Variants in THUMPD1 observed in about 807,000 individuals in gnomAD.
THUMPD1 encodes the protein THUMP domain 1 NAT10 acetyltransferase adaptor.
Under a neutral mutation model 31.6 loss-of-function variants are expected in THUMPD1, and 31 were observed. The observed-to-expected ratio is 0.98, with a 90% CI of 0.74 to 1.32. The LOEUF is 1.32. THUMPD1 is among the 40% of genes most tolerant of loss of function. THUMPD1 has a pLI of 0.00. For synonymous variants in THUMPD1, 166 were observed against 158.2 expected (o/e 1.05, Z -0.37); for missense variants, 446 against 427.8 (o/e 1.04, Z -0.38).
In THUMPD1 at chr16:20,735,473, T is replaced by C. The variant is rs1019314875; in HGVS notation, c.*1407A>G. On this transcript the variant is annotated 3_prime_UTR_variant, in exon 4 of 4. Transcript: ENST00000396083. The stretch of plus-strand genomic sequence containing the variant: ...AGAACTTCACTGTATCTTCAAGTTT[T>C]TGATATCAGCATCTCTGTGGAGAAA... The C allele has an allele frequency of 6.6e-6, 1 of 152,070 alleles. No individual in the cohort carries two copies. The highest frequency in any genetic ancestry group is 6.5e-5 in the Admixed American group (1 of 15,276). The allele number at this position is 152,070 out of a possible 1,614,324, so 9.4% of individuals were successfully genotyped here.
In THUMPD1 at chr16:20,736,839, A is replaced by AG; in HGVS notation, c.*40dup. 6.3e-7 allele frequency: 1 copy of AG among 1,587,294 alleles called. No individual in the cohort carries two copies. Among genetic ancestry groups the AG allele is most frequent in the East Asian group, 2.2e-5 (1 of 44,624 alleles). The stretch of plus-strand genomic sequence containing the variant: ...GTGGAGCCCCAGCAACATCTCGTAG[A>AG]GCCCCAGGTGAGAAACCCACCTCCA... On this transcript the variant is annotated 3_prime_UTR_variant, in exon 4 of 4. Transcript: ENST00000396083.
chr16:20,741,618 G>A lies in THUMPD1; in HGVS notation c.122C>T (p.Pro41Leu). The A allele has an allele frequency of 1.9e-6, 3 of 1,574,054 alleles. No individual in the cohort carries two copies. The highest frequency in any genetic ancestry group is 1.7e-6 in the Non-Finnish European group (2 of 1,159,626). ...CDAGGPRQLE[P>L]GLQGILITCN... ...GGTGATGAGGATGCCCTGTAGCCCG[G>A]GCTCTAGCTGACGGGGCCCGCCAGC... The change falls in exon 1 of 4, where the codon CCC becomes CTC. Residue 41 changes from proline (P) to leucine (L), a missense_variant. Coordinates refer to ENST00000396083, the MANE Select transcript of THUMPD1 (RefSeq NM_017736.5).
intron 2 of THUMPD1, chr16:20,738,316 A>AG: frequency 9.7e-6 from 4 of 413,888 alleles, no homozygotes; most frequent in African/African-American, 4.2e-5. Context: ...TTTACAAAAA[A>AG]AAAAAAAAAA....
At position 20,737,178 on chromosome 16, in the gene THUMPD1, T is replaced by A; in HGVS notation, c.764A>T (p.Asp255Val). 1 of 1,614,212 alleles carries A rather than the reference T, an allele frequency of 6.2e-7. No individual in the cohort carries two copies. Among genetic ancestry groups the A allele is most frequent in the Non-Finnish European group, 8.5e-7 (1 of 1,180,036 alleles). The change falls in exon 4 of 4, where the codon GAT (aspartate) becomes GTT (valine). Residue 255 changes from aspartate (D) to valine (V), a missense_variant. Physicochemically the swap from Asp to Val is radical, Grantham distance 152 (BLOSUM62 -3). Transcript: ENST00000396083. ...ATTGTATTTTCTAAACAACATGTAA[T>A]CTTTCACAACACTCAGGCAACAGAC... ...KAVCCLSVVK[D>V]YMLFRKYNLQ...
chr16:20,741,481 G>GGGGGGGGGGCGCCCCC, intron 1 of THUMPD1, 28 bp downstream of exon 1: 1 of 1,308,412 alleles, frequency 7.6e-7, no homozygotes, highest in Non-Finnish European at 9.9e-7. Context: ...CTGGCAGCCG[G>GGGGGGGGGGCGCCCCC]CCCGCCCGCC....
rs1320676394 is a variant in THUMPD1, at chr16:20,737,971, A to G, written c.407-15T>C. ...TTTCTCAGGCTCTTAAGAAAAAAAA[A>G]AAGTTAAGAAGATAATTTCTCAGAC... On this transcript the variant is annotated splice_polypyrimidine_tract_variant and intron_variant, in intron 2 of 3. Coordinates refer to ENST00000396083, the MANE Select transcript of THUMPD1 (RefSeq NM_017736.5). 9 of 1,568,098 alleles carry G rather than the reference A, an allele frequency of 5.7e-6. No individual in the cohort carries two copies. The highest frequency in any genetic ancestry group is 4.8e-5 in the South Asian group (4 of 83,106).
At chr16:20,739,232 G>C (rs1240940820) in intron 1 of THUMPD1, among the ~76,000 whole-genome samples, 161 bp from the exon 2 acceptor site, 7 of 151,394 alleles carry the variant, frequency 4.6e-5, no homozygotes, top group Non-Finnish European at 8.8e-5. Context: ...CTGGAGTGCA[G>C]TGGTGCGATC....
In THUMPD1 at chr16:20,736,566, A is replaced by G; in HGVS notation, c.*314T>C. Reference sequence around the variant, plus strand: ...AATGAAAACTTCCCTCTGATTTTCTACTTCACAGGTAGTTCACTCCCTTAA... The same window carrying G: ...AATGAAAACTTCCCTCTGATTTTCTGCTTCACAGGTAGTTCACTCCCTTAA... On this transcript the variant is annotated 3_prime_UTR_variant, in exon 4 of 4. Transcript: ENST00000396083. The G allele has an allele frequency of 3.9e-6, 1 of 257,924 alleles. No homozygotes were observed. 16.0% of individuals were successfully genotyped at this position (257,924 alleles called of 1,614,324 possible).
intron 2 of THUMPD1, among the ~76,000 whole-genome samples, chr16:20,738,495 C>T (rs970766558): frequency 7.2e-5 from 11 of 151,980 alleles, no homozygotes; most frequent in African/African-American, 4.8e-5. Context: ...GGGGCTGCTC[C>T]GAAAATTTGT....
rs2079866890 is a variant in THUMPD1 at position 20,736,122 on chromosome 16, A to C, written c.*758T>G. The C allele has an allele frequency of 6.6e-6, 1 of 152,214 alleles. No homozygotes were observed. The highest frequency in any genetic ancestry group is 2.4e-5 in the African/African-American group (1 of 41,450). The allele number at this position is 152,214 out of a possible 1,614,324, so 9.4% of individuals were successfully genotyped here. On this transcript the variant is annotated 3_prime_UTR_variant, in exon 4 of 4. Transcript: ENST00000396083. ...GTTTTGTAAGTTGCATGTCACAGACAATGCACAATGGGACAGGAGAGCTTG... is the reference window on the plus strand; with the variant it reads ...GTTTTGTAAGTTGCATGTCACAGACCATGCACAATGGGACAGGAGAGCTTG...
At position 20,741,735 on chromosome 16, in the gene THUMPD1, G is replaced by A. The variant is rs1241633790; in HGVS notation, c.5C>T (p.Ala2Val). M[A>V]APAQQTTQPG... The stretch of plus-strand genomic sequence containing the variant: ...CTGAGTAGTCTGCTGGGCAGGGGCC[G>A]CCATGGTGTGCGCAAACTGAGAGGA... The change falls in exon 1 of 4, where the codon GCG becomes GTG. Residue 2 changes from alanine to valine, a missense_variant. Coordinates refer to ENST00000396083, the MANE Select transcript of THUMPD1 (RefSeq NM_017736.5). 1.3e-6 allele frequency: 2 copies of A among 1,567,852 alleles called. No homozygotes were observed. Among genetic ancestry groups the A allele is most frequent in the Non-Finnish European group, 1.7e-6 (2 of 1,156,064 alleles).
At chr16:20,738,499 A>T (rs1478162377) in intron 2 of THUMPD1, among the ~76,000 whole-genome samples, 1 of 152,110 alleles carries the variant, frequency 6.6e-6, no homozygotes, top group African/African-American at 2.4e-5. Context: ...CTGCTCCGAA[A>T]ATTTGTAAAT....
rs1221600271 is a variant in THUMPD1 at position 20,734,987 on chromosome 16, G to C, written c.*1893C>G. On this transcript the variant is annotated 3_prime_UTR_variant, in exon 4 of 4. Coordinates refer to ENST00000396083, the MANE Select transcript of THUMPD1 (RefSeq NM_017736.5). ...TGGGTCTTGTGGTTCCTCCAGCCGG[G>C]TTAGAACAAGATTTGAGAGTTGCAC... 6.6e-6 allele frequency: 1 copy of C among 152,200 alleles called. No individual in the cohort carries two copies. Among genetic ancestry groups the C allele is most frequent in the East Asian group, 1.9e-4 (1 of 5,190 alleles). 9.4% of individuals were successfully genotyped at this position (152,200 alleles called of 1,614,324 possible).
In THUMPD1 at chr16:20,737,235, T is replaced by C. The variant is rs372725221; in HGVS notation, c.707A>G (p.Gln236Arg). The change falls in exon 4 of 4, where the codon CAG becomes CGG. Residue 236 changes from glutamine to arginine, a missense_variant. Gln to Arg is a conservative substitution (Grantham distance 43). Coordinates refer to ENST00000396083, the MANE Select transcript of THUMPD1 (RefSeq NM_017736.5). ...GATGATTTCTACTACCACTGTGTAC[T>C]GTGGATTGGTGAGATCCACTTTATT... ...SENKVDLTNP[Q>R]YTVVVEIIKA... 1 of 1,614,112 alleles carries C rather than the reference T, an allele frequency of 6.2e-7. No homozygotes were observed. The highest frequency in any genetic ancestry group is 8.5e-7 in the Non-Finnish European group (1 of 1,179,962).
At position 20,741,592 on chromosome 16, in the gene THUMPD1, A is replaced by T; in HGVS notation, c.148T>A (p.Cys50Ser). The stretch of plus-strand genomic sequence containing the variant: ...ACGCACTTGCGCTCGTTCATATTGC[A>T]GGTGATGAGGATGCCCTGTAGCCCG... ...EPGLQGILIT[C>S]NMNERKCVEE... Residue 50 changes from cysteine (C) to serine (S), a missense_variant, in exon 1 of 4, where the codon TGC becomes AGC. Cys to Ser is a moderately radical substitution (Grantham distance 112). Transcript: ENST00000396083. The T allele has an allele frequency of 1.3e-6, 2 of 1,573,182 alleles. No individual in the cohort carries two copies. The highest frequency in any genetic ancestry group is 1.7e-6 in the Non-Finnish European group (2 of 1,160,556).
At chr16:20,738,193 C>T (rs1179724822) in intron 2 of THUMPD1, 2 of 552,018 alleles carry the variant, frequency 3.6e-6, no homozygotes, top group Non-Finnish European at 6.8e-6. Flanking sequence ...CTAGAAATGA[C>T]TGTTTAGGTA....
At chr16:20,738,001 T>TA (rs2079885625) in intron 2 of THUMPD1, 45 bp from the exon 3 acceptor site, 2 of 1,537,236 alleles carry the variant, frequency 1.3e-6, no homozygotes, top group African/African-American at 1.4e-5. Flanking sequence ...TCAGACATCT[T>TA]AAAGATCGAA....
At position 20,735,395 on chromosome 16, in the gene THUMPD1, A is replaced by G; in HGVS notation, c.*1485T>C. 7.0e-6 allele frequency: 1 copy of G among 143,884 alleles called. No homozygotes were observed. The allele number at this position is 143,884 out of a possible 1,614,324, so 8.9% of individuals were successfully genotyped here. ...TTGGGTGTTTTTTTTTTTTTTTAACATTTTTGCATAAATGGGTCTTTGATA... is the reference window on the plus strand; with the variant it reads ...TTGGGTGTTTTTTTTTTTTTTTAACGTTTTTGCATAAATGGGTCTTTGATA... On this transcript the variant is annotated 3_prime_UTR_variant, in exon 4 of 4. Coordinates refer to ENST00000396083, the MANE Select transcript of THUMPD1 (RefSeq NM_017736.5).
chr16:20,740,332 T>C (rs1234620636), intron 1 of THUMPD1, among the ~76,000 whole-genome samples: 4 of 152,142 alleles, frequency 2.6e-5, no homozygotes, highest in African/African-American at 2.4e-5. Context: ...GAGGTGGAAG[T>C]TGCAGTGAGC....
Sources: gnomAD v4.1 joint callset for allele counts (sites outside exome capture counted in the v4.1 genomes callset) on GRCh38, gnomAD v4.1.1 for gene constraint, MANE v1.5 for transcripts, NCBI Gene and HGNC (gene_info 2026-07-23, HGNC 2026-07-21) for gene names.